PHKA1: variants seen among roughly 807,000 people sequenced by gnomAD.
PHKA1 encodes the protein phosphorylase b kinase regulatory subunit alpha, skeletal muscle isoform.
A neutral mutation model predicts 110.2 loss-of-function variants in PHKA1; 60 were observed. The ratio of observed to expected loss-of-function variants is 0.54; its 90% CI spans 0.44 to 0.68. The LOEUF is 0.68. PHKA1 is among the 30% of genes least tolerant of loss of function. The probability of loss-of-function intolerance (pLI) is 0.00; values close to 1 mark genes in which losing one functional copy is unlikely to be tolerated. For missense variants in PHKA1, 801 were observed against 942.5 expected (o/e 0.85, Z 1.97); for synonymous variants, 316 against 333.6 (o/e 0.95, Z 0.58).
At chrX:72,607,303 T>C (rs1380962897) in intron 23 of PHKA1, among the ~76,000 whole-genome samples, 1 of 111,904 alleles carries the variant, frequency 8.9e-6, no homozygotes, top group African/African-American at 3.2e-5. Flanking sequence ...CTCCAAATTG[T>C]TCTTCATAGT....
At chrX:72,628,353 C>T (rs2053115211) in intron 16 of PHKA1, among the ~76,000 whole-genome samples, 1 of 109,115 alleles carries the variant, frequency 9.2e-6, no homozygotes, top group Non-Finnish European at 1.9e-5. Flanking sequence ...AAGAGTTTTT[C>T]GTGTTTTGTG....
At chrX:72,639,761 A>C (rs2053274840) in intron 14 of PHKA1, among the ~76,000 whole-genome samples, 1 of 111,856 alleles carries the variant, frequency 8.9e-6, no homozygotes, top group Non-Finnish European at 1.9e-5. Flanking sequence ...ACATAGCACT[A>C]TTCTTTTATC....
rs1181595611 is a variant in PHKA1, at chrX:72,584,296, C to T, written c.3250G>A (p.Gly1084Arg). ...AGGACAAACCCTTCAACAGAAAGTC[C>T]GTGACACTGCAAAACAGAAAAAAAA... ...KVWKVLQKCH[G>R]LSVEGFVLPS... Residue 1084 changes from glycine to arginine, a missense_variant, in exon 30 of 32, where the codon GGA (glycine) becomes AGA (arginine). By Grantham distance (125) the Gly-to-Arg change is moderately radical. Around this residue, in one of 2 missense-constraint regions of PHKA1, gnomAD observed 502 missense variants for 519.2 expected, o/e 0.97. Coordinates refer to ENST00000373542, the MANE Select transcript of PHKA1 (RefSeq NM_002637.4). 5 of 1,204,435 alleles carry T rather than the reference C, an allele frequency of 4.2e-6. No individual in the cohort carries two copies. The highest frequency in any genetic ancestry group is 3.5e-5 in the South Asian group (2 of 56,549).
rs189193979 is a variant in PHKA1, at chrX:72,593,543, A to G, written c.3073-269T>C. 1,519 of 279,738 alleles carry G rather than the reference A, an allele frequency of 5.4e-3. 30 individuals are homozygous for G. The highest frequency in any genetic ancestry group is 0.039 in the African/African-American group (1,418 of 36,030). The allele number at this position is 279,738 out of a possible 1,213,427, so 23.1% of individuals were successfully genotyped here. ...TTTTTAGTAGAGACGGGGTTTCACCATGTTAGCCAGGATGGTCTTGATCTC... is the reference window on the plus strand; with the variant it reads ...TTTTTAGTAGAGACGGGGTTTCACCGTGTTAGCCAGGATGGTCTTGATCTC... On this transcript the variant is annotated intron_variant, in intron 28 of 31. Coordinates refer to ENST00000373542, the MANE Select transcript of PHKA1 (RefSeq NM_002637.4).
In PHKA1 at chrX:72,584,321, A is replaced by C; in HGVS notation, c.3244-19T>G. On this transcript the variant is annotated intron_variant, in intron 29 of 31. Transcript: ENST00000373542. ...CGTGACACTGCAAAACAGAAAAAAA[A>C]CCATATCACCAAAAACCATATCACC... The C allele has an allele frequency of 8.4e-7, 1 of 1,192,252 alleles. No homozygotes were observed. The highest frequency in any genetic ancestry group is 1.1e-6 in the Non-Finnish European group (1 of 878,149).
At chrX:72,689,457 CATA>C (rs2054007577) in intron 4 of PHKA1, among the ~76,000 whole-genome samples, 1 of 111,606 alleles carries the variant, frequency 9.0e-6, no homozygotes, top group East Asian at 2.8e-4. Context: ...TTTCACTTAG[CATA>C]ATATTTTCAA....
chrX:72,656,045 AG>A, intron 10 of PHKA1, 74 bp downstream of exon 10: 1 of 1,110,629 alleles, frequency 9.0e-7, no homozygotes, highest in Non-Finnish European at 1.2e-6. Flanking sequence ...AACTGGACAC[AG>A]GGTTGGTATA....
At chrX:72,653,299 T>A in intron 11 of PHKA1, 136 bp downstream of exon 11, 3 of 494,429 alleles carry the variant, frequency 6.1e-6, no homozygotes, top group South Asian at 5.9e-5. Context: ...ATCATACTTA[T>A]GTTGTCCTGT....
chrX:72,583,595 T>C (rs2052369493), intron 30 of PHKA1, among the ~76,000 whole-genome samples: 1 of 112,234 alleles, frequency 8.9e-6, no homozygotes, highest in Non-Finnish European at 1.9e-5. Flanking sequence ...CTTTCTACTA[T>C]TGAATCTTAC....
intron 8 of PHKA1, among the ~76,000 whole-genome samples, chrX:72,659,487 C>T: frequency 9.2e-6 from 1 of 109,234 alleles, no homozygotes; most frequent in Non-Finnish European, 1.9e-5. Context: ...TTAGGAAACA[C>T]ATATAGGAAG....
intron 16 of PHKA1, among the ~76,000 whole-genome samples, chrX:72,628,691 G>A (rs2053124186): frequency 9.3e-6 from 1 of 107,386 alleles, no homozygotes; most frequent in African/African-American, 3.4e-5. Context: ...CCGGGTTCAA[G>A]TGATTCTCCT....
rs973976179 is a variant in PHKA1 at position 72,653,697 on chromosome X, C to T, written c.1042-167G>A. On this transcript the variant is annotated intron_variant, in intron 10 of 31. Coordinates refer to ENST00000373542, the MANE Select transcript of PHKA1 (RefSeq NM_002637.4). ...TGCTTGTTATAGGCCAAATATTATG[C>T]TAGGAGTTTTGCATACTTTAATGCA... Among the ~76,000 whole-genome samples, 3 of 112,175 alleles carry T rather than the reference C, an allele frequency of 2.7e-5. No homozygotes were observed. The Admixed American group carries it at 2.8e-4, about 11-fold the overall frequency.
At chrX:72,650,790 T>A (rs1037369130) in intron 12 of PHKA1, among the ~76,000 whole-genome samples, 3 of 111,951 alleles carry the variant, frequency 2.7e-5, no homozygotes, top group African/African-American at 9.8e-5. Context: ...GGTGCAATCA[T>A]GGCTCACTGC....
chrX:72,648,320 G>T (rs188665182), intron 13 of PHKA1, among the ~76,000 whole-genome samples: 25 of 111,563 alleles, frequency 2.2e-4, no homozygotes, highest in Non-Finnish European at 4.1e-4. Context: ...GGCAAGGATA[G>T]GTAAGACTGT....
intron 17 of PHKA1, among the ~76,000 whole-genome samples, chrX:72,626,226 T>G (rs1044590976): frequency 4.6e-5 from 5 of 108,949 alleles, no homozygotes; most frequent in African/African-American, 1.7e-4. Context: ...AAATAGAGAA[T>G]GCACAGTGGG....
rs1556291788 is a variant in PHKA1 at position 72,636,309 on chromosome X, T to A, written c.1537A>T (p.Ile513Phe). The A allele has an allele frequency of 8.3e-7, 1 of 1,202,041 alleles. No homozygotes were observed. The highest frequency in any genetic ancestry group is 1.1e-6 in the Non-Finnish European group (1 of 886,545). ...GVLGTSKLYDIRKTIFTFTPQ... is the reference protein window; with the variant it reads ...GVLGTSKLYDFRKTIFTFTPQ... ...GTGAAAGTAAAGATAGTTTTCCGAA[T>A]GTCATAGAGTTTTGAAGTTCCAAGC... The change falls in exon 15 of 32, where the codon ATT becomes TTT. Residue 513 changes from isoleucine (I) to phenylalanine (F), a missense_variant. Ile to Phe is a conservative substitution (Grantham distance 21, BLOSUM62 0). Coordinates refer to ENST00000373542, the MANE Select transcript of PHKA1 (RefSeq NM_002637.4).
chrX:72,677,493 G>T (rs2053792885), intron 5 of PHKA1, among the ~76,000 whole-genome samples: 1 of 111,833 alleles, frequency 8.9e-6, no homozygotes, highest in Non-Finnish European at 1.9e-5. Flanking sequence ...TTACAGTGGT[G>T]CTTTAATGGT....
intron 4 of PHKA1, among the ~76,000 whole-genome samples, chrX:72,688,317 C>T (rs782582867): frequency 8.0e-5 from 9 of 111,934 alleles, no homozygotes; most frequent in African/African-American, 2.9e-4. Context: ...TTCTTGCAAT[C>T]GTAATGACAC....
chrX:72,704,574 CAT>C (rs1491504185), intron 3 of PHKA1, among the ~76,000 whole-genome samples: 5 of 107,370 alleles, frequency 4.7e-5, no homozygotes, highest in Middle Eastern at 4.7e-3. Context: ...TGTGTATGTG[CAT>C]GTGTGTGTGT....
Sources: gnomAD v4.1 joint callset for allele counts (sites outside exome capture counted in the v4.1 genomes callset) on GRCh38, gnomAD v4.1.1 for gene constraint, gnomAD v4.1.1 regional missense constraint, MANE v1.5 for transcripts, NCBI Gene and HGNC (gene_info 2026-07-23, HGNC 2026-07-21) for gene names.